PTPRD: variants seen among roughly 807,000 people sequenced by gnomAD.
PTPRD encodes receptor-type tyrosine-protein phosphatase delta.
PTPRD carries 34 observed loss-of-function variants against 214.5 expected under a neutral mutation model. The observed-to-expected ratio is 0.16, with a 90% confidence interval of 0.12 to 0.21. PTPRD has a LOEUF of 0.21. Among genes scored for constraint, PTPRD ranks in the 10% least tolerant of loss-of-function variants. PTPRD has a pLI of 1.00. For missense variants in PTPRD, 2,545 were observed against 2,398.7 expected (o/e 1.06, Z -1.27); for synonymous variants, 1,128 against 845.7 (o/e 1.33, Z -5.79).
intron 11 of PTPRD, among the ~76,000 whole-genome samples, chr9:8,742,587 A>G (rs774040473): frequency 5.9e-5 from 9 of 152,210 alleles, no homozygotes; most frequent in Admixed American, 1.3e-4. Flanking sequence ...CTATCAATAC[A>G]TAGTACGGAA....
chr9:8,352,253 T>G (rs1427900342), intron 39 of PTPRD, among the ~76,000 whole-genome samples: 1 of 152,148 alleles, frequency 6.6e-6, no homozygotes, highest in African/African-American at 2.4e-5. Context: ...CACCTGAATA[T>G]GCCGCAGCAG....
At chr9:9,551,399 T>G (rs1004615966) in intron 8 of PTPRD, among the ~76,000 whole-genome samples, 1 of 152,014 alleles carries the variant, frequency 6.6e-6, no homozygotes, top group African/African-American at 2.4e-5. Flanking sequence ...AGCTTTCCAG[T>G]GGTAGTACTA....
At chr9:10,035,915 G>A (rs35721662) in intron 3 of PTPRD, among the ~76,000 whole-genome samples, 80 of 71,336 alleles carry the variant, frequency 1.1e-3, no homozygotes, top group South Asian at 3.3e-3. Flanking sequence ...TTCAGGAAGC[G>A]GAAATCTATA....
At chr9:10,271,363 A>C (rs1254915362) in intron 3 of PTPRD, among the ~76,000 whole-genome samples, 1 of 129,476 alleles carries the variant, frequency 7.7e-6, no homozygotes, top group East Asian at 2.2e-4. Context: ...TTTTTGAGTA[A>C]TTAAAATTTA....
intron 5 of PTPRD, among the ~76,000 whole-genome samples, chr9:9,792,441 T>C (rs1486109566): frequency 6.6e-6 from 1 of 152,200 alleles, no homozygotes; most frequent in Non-Finnish European, 1.5e-5. Flanking sequence ...CACTCTTTTT[T>C]TGTACATTAG....
At position 8,733,893 on chromosome 9, in the gene PTPRD, G is replaced by T; in HGVS notation, c.-50C>A. ...CGAGCAGCTTGGAATCACTGCCTCCGGAGCCGCAGCGAGTCTGTCCGATCT... is the reference window on the plus strand; with the variant it reads ...CGAGCAGCTTGGAATCACTGCCTCCTGAGCCGCAGCGAGTCTGTCCGATCT... On this transcript the variant is annotated 5_prime_UTR_variant, in exon 12 of 46. Coordinates refer to ENST00000381196, the MANE Select transcript of PTPRD (RefSeq NM_002839.4). The T allele has an allele frequency of 6.5e-7, 1 of 1,530,884 alleles. No individual in the cohort carries two copies. Among genetic ancestry groups the T allele is most frequent in the Non-Finnish European group, 8.8e-7 (1 of 1,132,688 alleles). The allele number at this position is 1,530,884 out of a possible 1,614,324, so 94.8% of individuals were successfully genotyped here. A position where few individuals can be genotyped will look rare whatever the true frequency, so the allele number is the denominator to read the frequency against.
chr9:10,525,375 G>A (rs892725661), intron 2 of PTPRD, among the ~76,000 whole-genome samples: 2 of 151,718 alleles, frequency 1.3e-5, no homozygotes, highest in South Asian at 2.1e-4. Flanking sequence ...GCTTAGTGTT[G>A]GTATTCTAAT....
At chr9:9,955,526 GTTTTTTTTTTT>G (rs779657484) in intron 4 of PTPRD, among the ~76,000 whole-genome samples, 2 of 134,026 alleles carry the variant, frequency 1.5e-5, no homozygotes, top group Non-Finnish European at 3.5e-5. Context: ...GTTTTGTTTT[GTTTTTTTTTTT>G]TTTTGAGACA....
At chr9:8,551,583 C>G (rs915761328) in intron 14 of PTPRD, among the ~76,000 whole-genome samples, 1 of 152,094 alleles carries the variant, frequency 6.6e-6, no homozygotes, top group African/African-American at 2.4e-5. Flanking sequence ...GCCTGAAGTA[C>G]CAGTCATTTT....
chr9:10,327,282 C>A (rs1173167340), intron 3 of PTPRD, among the ~76,000 whole-genome samples: 1 of 149,648 alleles, frequency 6.7e-6, no homozygotes, highest in East Asian at 2.0e-4. Flanking sequence ...TAATACGAAC[C>A]CTAAATAAAA....
At chr9:8,579,711 G>T (rs2092857413) in intron 14 of PTPRD, among the ~76,000 whole-genome samples, 1 of 152,218 alleles carries the variant, frequency 6.6e-6, no homozygotes, top group Non-Finnish European at 1.5e-5. Context: ...AGGCTTCATA[G>T]AGTAAGGTTG....
chr9:8,678,746 A>T (rs1024634068), intron 12 of PTPRD, among the ~76,000 whole-genome samples: 2 of 152,214 alleles, frequency 1.3e-5, no homozygotes, highest in African/African-American at 2.4e-5. Flanking sequence ...TCCCTTATGT[A>T]TAAAATGACA....
chr9:9,804,839 T>G (rs900584640), intron 5 of PTPRD, among the ~76,000 whole-genome samples: 2 of 151,398 alleles, frequency 1.3e-5, no homozygotes, highest in Non-Finnish European at 2.9e-5. Context: ...TTAAATTTCA[T>G]CCACATTTTA....
At chr9:10,232,919 T>C (rs1262278122) in intron 3 of PTPRD, among the ~76,000 whole-genome samples, 1 of 151,956 alleles carries the variant, frequency 6.6e-6, no homozygotes, top group Non-Finnish European at 1.5e-5. Flanking sequence ...ACAAAGATTT[T>C]AAACATTCCA....
intron 10 of PTPRD, among the ~76,000 whole-genome samples, chr9:9,147,491 T>C (rs566629921): frequency 1.4e-3 from 220 of 152,258 alleles, no homozygotes; most frequent in African/African-American, 5.0e-3. Context: ...CACTAGGACC[T>C]GCCAGTTAAG....
intron 2 of PTPRD, among the ~76,000 whole-genome samples, chr9:10,418,754 GA>G (rs1388882559): frequency 6.6e-6 from 1 of 151,758 alleles, no homozygotes; most frequent in Admixed American, 6.6e-5. Flanking sequence ...GCAGAAGGAA[GA>G]AATGGTTGGA....
At chr9:8,908,099 A>T (rs1413160840) in intron 11 of PTPRD, among the ~76,000 whole-genome samples, 1 of 152,216 alleles carries the variant, frequency 6.6e-6, no homozygotes, top group Non-Finnish European at 1.5e-5. Flanking sequence ...CACAATTAAT[A>T]GCTGACTTTT....
At chr9:9,738,085 C>T (rs2098331924) in intron 6 of PTPRD, among the ~76,000 whole-genome samples, 2 of 151,648 alleles carry the variant, frequency 1.3e-5, no homozygotes, top group East Asian at 3.9e-4. Context: ...GGGAACATCA[C>T]ACACCGGGGC....
chr9:8,317,915 C>T lies in PTPRD; in HGVS notation c.5698G>A (p.Ala1900Thr), dbSNP rs748481193. The change falls in exon 46 of 46, where the codon GCA becomes ACA. Residue 1900 changes from alanine to threonine, a missense_variant. Ala to Thr is a moderately conservative substitution (Grantham distance 58, BLOSUM62 0). Coordinates refer to ENST00000381196, the MANE Select transcript of PTPRD (RefSeq NM_002839.4). ...EDQYQFSYRA[A>T]LEYLGSFDHY... The stretch of plus-strand genomic sequence containing the variant: ...TCAAAGCTGCCCAGGTACTCTAGTG[C>T]GGCACGATAGGAAAACTGATATTGA... The T allele has an allele frequency of 1.4e-5, 23 of 1,611,586 alleles. No homozygotes were observed. Among genetic ancestry groups the T allele is most frequent in the East Asian group, 6.7e-5 (3 of 44,808 alleles).
Sources: gnomAD v4.1 joint callset for allele counts (sites outside exome capture counted in the v4.1 genomes callset) on GRCh38, gnomAD v4.1.1 for gene constraint, MANE v1.5 for transcripts, NCBI Gene and HGNC (gene_info 2026-07-23, HGNC 2026-07-21) for gene names.